Variants in CABLES1 observed in about 807,000 individuals in gnomAD.
CABLES1 encodes CDK5 and ABL1 enzyme substrate 1.
A neutral mutation model predicts 57.8 loss-of-function variants in CABLES1; 36 were observed. That is an observed-to-expected ratio of 0.62 (90% CI 0.48 to 0.82). The LOEUF (loss-of-function observed/expected upper bound fraction) is 0.82, where lower values mean the gene tolerates loss of function less well. CABLES1 is among the 40% of genes least tolerant of loss of function. The pLI is 0.00. For synonymous variants in CABLES1, 374 were observed against 363.0 expected (o/e 1.03, Z -0.35); for missense variants, 767 against 836.6 (o/e 0.92, Z 1.03).
At chr18:23,202,472 A>T (rs1283732637) in intron 3 of CABLES1, among the ~76,000 whole-genome samples, 1 of 152,190 alleles carries the variant, frequency 6.6e-6, no homozygotes, top group East Asian at 1.9e-4. Context: ...CCTGCTGCTT[A>T]TTGTAAGAGG....
At chr18:23,204,195 C>T (rs144946510) in intron 3 of CABLES1, among the ~76,000 whole-genome samples, 61 of 152,296 alleles carry the variant, frequency 4.0e-4, no homozygotes, top group East Asian at 3.1e-3. Flanking sequence ...GGCAGTCACT[C>T]GGCACTGAGA....
At position 23,145,134 on chromosome 18, in the gene CABLES1, G is replaced by A. The variant is rs946051439; in HGVS notation, c.845+8527G>A. Among the ~76,000 whole-genome samples the A allele has an allele frequency of 5.3e-5, 8 of 151,970 alleles. No individual in the cohort carries two copies. The South Asian group carries it at 1.0e-3, about 20-fold the overall frequency. ...GTATTTTTAGTAGAGACGGGGTTTCGCCATGTTGGGCAGGCTGGTCTCAAA... is the reference window on the plus strand; with the variant it reads ...GTATTTTTAGTAGAGACGGGGTTTCACCATGTTGGGCAGGCTGGTCTCAAA... On this transcript the variant is annotated intron_variant, in intron 1 of 9. Transcript: ENST00000256925.
chr18:23,229,398 G>A (rs552825037), intron 4 of CABLES1, among the ~76,000 whole-genome samples: 158 of 152,082 alleles, frequency 1.0e-3, no homozygotes, highest in Non-Finnish European at 1.8e-3. Context: ...GGCAACAAGA[G>A]TAAAACTCCA....
chr18:23,220,820 T>C (rs895851204), intron 4 of CABLES1, among the ~76,000 whole-genome samples: 2 of 152,206 alleles, frequency 1.3e-5, no homozygotes, highest in African/African-American at 4.8e-5. Flanking sequence ...CAGACATCTC[T>C]GGGTGGAGTC....
At chr18:23,204,557 T>G (rs1568066613) in intron 3 of CABLES1, 1 of 152,410 alleles carries the variant, frequency 6.6e-6, no homozygotes, top group Non-Finnish European at 1.5e-5. Context: ...TCATCTGTTC[T>G]TATGCTGCTG....
intron 7 of CABLES1, among the ~76,000 whole-genome samples, chr18:23,238,762 C>A (rs539727484): frequency 1.1e-4 from 17 of 152,334 alleles, no homozygotes; most frequent in African/African-American, 4.1e-4. Context: ...CCAAGTGAGG[C>A]TTTCCTAGTT....
At chr18:23,251,250 C>G (rs923111903) in intron 7 of CABLES1, among the ~76,000 whole-genome samples, 4 of 152,130 alleles carry the variant, frequency 2.6e-5, no homozygotes, top group African/African-American at 9.7e-5. Context: ...GTCAGGAGTT[C>G]AAGAGGAGCC....
Position 23,136,600 on chromosome 18 carries a change from A to G in CABLES1, c.838A>G (p.Arg280Gly). The change falls in exon 1 of 10, where the codon AGG becomes GGG. Residue 280 changes from arginine (R) to glycine (G), a missense_variant. Coordinates refer to ENST00000256925, the MANE Select transcript of CABLES1 (RefSeq NM_001100619.3). ...GSTSAFEQLQRSRRRLISQRS... is the reference protein window; with the variant it reads ...GSTSAFEQLQGSRRRLISQRS... ...CACCAGCGCCTTCGAGCAGCTGCAG[A>G]GGTCCCGGTGAGTATCCGGGATGCG... 1.4e-6 allele frequency: 2 copies of G among 1,464,958 alleles called. No individual in the cohort carries two copies. The highest frequency in any genetic ancestry group is 1.8e-6 in the Non-Finnish European group (2 of 1,111,490). 90.7% of individuals were successfully genotyped at this position (1,464,958 alleles called of 1,614,324 possible).
At chr18:23,165,510 A>G (rs1479951255) in intron 1 of CABLES1, among the ~76,000 whole-genome samples, 1 of 152,068 alleles carries the variant, frequency 6.6e-6, no homozygotes, top group East Asian at 1.9e-4. Flanking sequence ...GTGCGGGTTA[A>G]ATAGCCCCCT....
chr18:23,183,301 T>G (rs182640188), intron 1 of CABLES1, among the ~76,000 whole-genome samples: 1 of 152,318 alleles, frequency 6.6e-6, no homozygotes, highest in Non-Finnish European at 1.5e-5. Context: ...TCAGGGTAAG[T>G]GAACTTATTC....
chr18:23,173,062 T>C (rs2047094468), intron 1 of CABLES1, among the ~76,000 whole-genome samples: 1 of 152,158 alleles, frequency 6.6e-6, no homozygotes, highest in African/African-American at 2.4e-5. Context: ...AAACGGCACC[T>C]TGATGTGTGC....
intron 3 of CABLES1, among the ~76,000 whole-genome samples, chr18:23,209,672 T>C (rs2047389797): frequency 6.6e-6 from 1 of 152,202 alleles, no homozygotes; most frequent in Admixed American, 6.5e-5. Flanking sequence ...ATTTCTGTTG[T>C]AATGGAACAT....
rs772774417 is a variant in CABLES1 at position 23,253,952 on chromosome 18, C to G, written c.1761+16C>G. ...TTTAATTGACGTAAGTAGCCTTTTT[C>G]CTGGTGGCTGGAGGAGCACATGCTC... On this transcript the variant is annotated intron_variant, in intron 9 of 9. Coordinates refer to ENST00000256925, the MANE Select transcript of CABLES1 (RefSeq NM_001100619.3). The G allele has an allele frequency of 6.2e-7, 1 of 1,611,134 alleles. No individual in the cohort carries two copies. Among genetic ancestry groups the G allele is most frequent in the African/African-American group, 1.3e-5 (1 of 74,898 alleles).
chr18:23,220,789 G>A (rs1461294639), intron 4 of CABLES1, among the ~76,000 whole-genome samples: 1 of 152,190 alleles, frequency 6.6e-6, no homozygotes, highest in Non-Finnish European at 1.5e-5. Flanking sequence ...CTGCAGACTT[G>A]GATGCTCCCA....
chr18:23,138,185 C>T (rs1361721038), intron 1 of CABLES1, among the ~76,000 whole-genome samples: 3 of 152,166 alleles, frequency 2.0e-5, no homozygotes, highest in African/African-American at 4.8e-5. Context: ...GATGTGTCCT[C>T]CATGCTAAAG....
chr18:23,204,948 T>A (rs552996179), intron 3 of CABLES1, among the ~76,000 whole-genome samples: 1 of 152,266 alleles, frequency 6.6e-6, no homozygotes, highest in African/African-American at 2.4e-5. Context: ...GAGATTTGGG[T>A]GGGGACACAG....
In CABLES1 at chr18:23,236,031, C is replaced by T; in HGVS notation, c.1322C>T (p.Thr441Ile). ...RSLSIGRASG[T>I]QGSLDTGSDL... ...CTCTCCATAGGCCGGGCAAGCGGCA[C>T]CCAGGGGAGCCTCGACACAGGTAAC... The change falls in exon 6 of 10, where the codon ACC (threonine) becomes ATC (isoleucine). Residue 441 changes from threonine (T) to isoleucine (I), a missense_variant. Around this residue, in one of 4 missense-constraint regions of CABLES1, gnomAD observed 529 missense variants for 622.8 expected, o/e 0.85. Transcript: ENST00000256925. 6.2e-7 allele frequency: 1 copy of T among 1,614,168 alleles called. No homozygotes were observed. Among genetic ancestry groups the T allele is most frequent in the East Asian group, 2.2e-5 (1 of 44,886 alleles).
At chr18:23,233,872 A>G (rs1436950171) in intron 4 of CABLES1, among the ~76,000 whole-genome samples, 2 of 152,168 alleles carry the variant, frequency 1.3e-5, no homozygotes, top group Admixed American at 6.5e-5. Flanking sequence ...ATAAGAATTC[A>G]TTTCTCCTAA....
intron 7 of CABLES1, among the ~76,000 whole-genome samples, chr18:23,251,842 T>A (rs985261370): frequency 1.3e-5 from 2 of 151,972 alleles, no homozygotes; most frequent in African/African-American, 4.8e-5. Flanking sequence ...TCCCAGAACT[T>A]TGGGAGGCCG....
Sources: allele counts gnomAD v4.1 joint callset (sites outside exome capture counted in the v4.1 genomes callset), GRCh38; gene constraint gnomAD v4.1.1; regional missense constraint gnomAD v4.1.1; transcripts MANE v1.5; gene names NCBI Gene and HGNC (gene_info 2026-07-23, HGNC 2026-07-21).